EIF2D: variants seen among roughly 807,000 people sequenced by gnomAD.
The protein encoded by EIF2D is hepatocellular carcinoma-associated antigen 56.
In EIF2D, 56 loss-of-function variants were observed where a neutral mutation model predicts 77.4. The ratio of observed to expected loss-of-function variants is 0.72; its 90% confidence interval spans 0.58 to 0.90. The LOEUF is 0.90. Among genes scored for constraint, EIF2D ranks in the 40% least tolerant of loss-of-function variants. The pLI, the probability that EIF2D is intolerant of heterozygous loss-of-function variation, is 0.00. For synonymous variants in EIF2D, 230 were observed against 271.0 expected (o/e 0.85, Z 1.49); for missense variants, 574 against 706.5 (o/e 0.81, Z 2.13).
In EIF2D at chr1:206,594,075, A is replaced by C. The variant is rs1030845661; in HGVS notation, c.1510-282T>G. The C allele has an allele frequency of 2.9e-5, 7 of 241,142 alleles. No homozygotes were observed. The East Asian group carries it at 6.1e-4, about 21-fold the overall frequency. The allele number at this position is 241,142 out of a possible 1,614,324, so 14.9% of individuals were successfully genotyped here. On this transcript the variant is annotated intron_variant, in intron 13 of 14. Coordinates refer to ENST00000271764, the MANE Select transcript of EIF2D (RefSeq NM_006893.3). ...TTTAAGTTTTATTTGGAGAATTCAA[A>C]ACATAAATGAAAGCAGAATAGTATA...
chr1:206,603,201 C>A lies in EIF2D; in HGVS notation c.534G>T (p.Arg178=). Residue 178 remains arginine, a synonymous_variant, in exon 6 of 15, where the codon CGG becomes CGT. Transcript: ENST00000271764. ...AAGGTGGAGAGGACTTGTTTCCAGACCGCCTGGAAAAATCTCATGTCAGAA... is the reference window on the plus strand; with the variant it reads ...AAGGTGGAGAGGACTTGTTTCCAGAACGCCTGGAAAAATCTCATGTCAGAA... ...VLHTYQDHLW[R]SGNKSSPPSI... 4 of 1,612,398 alleles carry A rather than the reference C, an allele frequency of 2.5e-6. No homozygotes were observed. The highest frequency in any genetic ancestry group is 3.4e-6 in the Non-Finnish European group (4 of 1,178,580).
chr1:206,601,431 A>T (rs1669913603), intron 7 of EIF2D: 1 of 152,098 alleles, frequency 6.6e-6, no homozygotes, highest in South Asian at 2.1e-4. Context: ...TTAGCTGCAC[A>T]TGGTGGCATG....
At chr1:206,582,852 C>A (rs540921884) in intron 2 of EIF2D, among the ~76,000 whole-genome samples, 2 of 152,280 alleles carry the variant, frequency 1.3e-5, no homozygotes, top group South Asian at 4.1e-4. Flanking sequence ...GGAGACAGAC[C>A]ATGGCTTGTA....
intron 4 of EIF2D, among the ~76,000 whole-genome samples, chr1:206,575,747 A>G (rs1386467398): frequency 1.8e-4 from 27 of 152,216 alleles, no homozygotes; most frequent in African/African-American, 6.3e-4. Context: ...GATTTCACAG[A>G]TAAGGAAACT....
At chr1:206,598,224 G>A (rs782121881) in intron 11 of EIF2D, among the ~76,000 whole-genome samples, 5 of 151,828 alleles carry the variant, frequency 3.3e-5, no homozygotes, top group Non-Finnish European at 4.4e-5. Flanking sequence ...TTTTTGTAGC[G>A]ACAGGGTTTC....
chr1:206,598,283 C>G (rs1486750893), intron 11 of EIF2D, among the ~76,000 whole-genome samples: 1 of 152,124 alleles, frequency 6.6e-6, no homozygotes, highest in Admixed American at 6.5e-5. Flanking sequence ...AGCAATCCTC[C>G]CACCTCAACC....
chr1:206,598,073 T>G (rs1558533822), intron 11 of EIF2D, among the ~76,000 whole-genome samples: 1 of 152,172 alleles, frequency 6.6e-6, no homozygotes, highest in Non-Finnish European at 1.5e-5. Context: ...GGTTTCACTG[T>G]ATCACCCAGG....
At chr1:206,596,264 GA>G (rs145755793) in intron 12 of EIF2D, among the ~76,000 whole-genome samples, 2,674 of 152,306 alleles carry the variant, frequency 0.018, 48 homozygotes, top group South Asian at 0.074. Context: ...TTACCACGAG[GA>G]GTTTCTACCT....
In EIF2D at chr1:206,611,295, C is replaced by G. The variant is rs782629753; in HGVS notation, c.136G>C (p.Glu46Gln). 1 of 1,614,246 alleles carries G rather than the reference C, an allele frequency of 6.2e-7. No homozygotes were observed. The highest frequency in any genetic ancestry group is 2.2e-5 in the East Asian group (1 of 44,890). ...TACAACTTCACAATGTTGAGCTCCT[C>G]CTTTCCAGGTACTAACTCAGAGACT... ...DQVSELVPGK[E>Q]ELNIVKLYAH... The change falls in exon 2 of 15, where the codon GAG becomes CAG. Residue 46 changes from glutamate to glutamine, a missense_variant. Transcript: ENST00000271764.
At chr1:206,611,046 C>T in intron 2 of EIF2D, 138 bp downstream of exon 2, 2 of 762,720 alleles carry the variant, frequency 2.6e-6, no homozygotes, top group Admixed American at 3.0e-5. Context: ...AACACCAGGT[C>T]CATAAAGATC....
In EIF2D at chr1:206,611,349, T is replaced by C. The variant is rs782156784; in HGVS notation, c.82A>G (p.Thr28Ala). 4 of 1,613,916 alleles carry C rather than the reference T, an allele frequency of 2.5e-6. No homozygotes were observed. Among genetic ancestry groups the C allele is most frequent in the African/African-American group, 2.7e-5 (2 of 74,928 alleles). Reference sequence around the variant, plus strand: ...TCAGTTCCAAGGGTGGGGAAAGCAGTTGTCACATCAGCTCGAAGCTTTCTC... The same window carrying C: ...TCAGTTCCAAGGGTGGGGAAAGCAGCTGTCACATCAGCTCGAAGCTTTCTC... ...DRRKLRADVT[T>A]AFPTLGTDQV... is the part of the protein sequence containing the mutation. The change falls in exon 2 of 15, where the codon ACT becomes GCT. Residue 28 changes from threonine (T) to alanine (A), a missense_variant. Physicochemically the swap from Thr to Ala is moderately conservative, Grantham distance 58. Transcript: ENST00000271764.
downstream of EIF2D, among the ~76,000 whole-genome samples, chr1:206,591,263 G>C (rs1553408902): frequency 6.6e-6 from 1 of 152,154 alleles, no homozygotes; most frequent in African/African-American, 2.4e-5. Flanking sequence ...CCTGTATACT[G>C]TTTCTGATTT....
downstream of EIF2D, among the ~76,000 whole-genome samples, chr1:206,591,466 C>T (rs1480663514): frequency 2.6e-5 from 4 of 152,066 alleles, no homozygotes; most frequent in African/African-American, 9.7e-5. Flanking sequence ...AGGAAGGCCC[C>T]ACCTGTCCGA....
At chr1:206,598,191 C>T (rs1236691866) in intron 11 of EIF2D, among the ~76,000 whole-genome samples, 1 of 151,974 alleles carries the variant, frequency 6.6e-6, no homozygotes, top group Non-Finnish European at 1.5e-5. Flanking sequence ...GCATGCCCTA[C>T]CATGCCCGGC....
chr1:206,603,695 T>A (rs569656811), intron 5 of EIF2D, among the ~76,000 whole-genome samples: 2 of 152,366 alleles, frequency 1.3e-5, no homozygotes, highest in East Asian at 3.9e-4. Context: ...CAGTGGCTTC[T>A]GTGTTACATC....
At chr1:206,611,730 A>C (rs112500970) in intron 1 of EIF2D, among the ~76,000 whole-genome samples, 3 of 152,322 alleles carry the variant, frequency 2.0e-5, no homozygotes, top group African/African-American at 7.2e-5. Context: ...CCAGTTTATG[A>C]TTAAATAACT....
rs571682762 is a variant in EIF2D at position 206,602,852 on chromosome 1, G to T, written c.784+99C>A. The T allele has an allele frequency of 2.9e-5, 43 of 1,500,114 alleles. 1 individual carries two copies. The South Asian group carries it at 5.7e-4, about 20-fold the overall frequency. 92.9% of individuals were successfully genotyped at this position (1,500,114 alleles called of 1,614,324 possible). On this transcript the variant is annotated intron_variant, in intron 6 of 14. Transcript: ENST00000271764. ...AATAAGGACCTTCCCCTCCTCCCCCGGAAGCTTAAGGGCCATTCTAGTCAG... is the reference window on the plus strand; with the variant it reads ...AATAAGGACCTTCCCCTCCTCCCCCTGAAGCTTAAGGGCCATTCTAGTCAG...
chr1:206,571,231 G>C (rs1553404152), downstream of EIF2D: 1 of 150,926 alleles, frequency 6.6e-6, no homozygotes, highest in African/African-American at 2.4e-5. Flanking sequence ...ATCATATATA[G>C]ATCTTCTTTA....
chr1:206,610,338 G>A (rs1670409456), intron 2 of EIF2D, among the ~76,000 whole-genome samples: 1 of 152,116 alleles, frequency 6.6e-6, no homozygotes, highest in South Asian at 2.1e-4. Context: ...GAGCAACATA[G>A]TGAGACCTTG....
Sources: gnomAD v4.1 joint callset for allele counts (sites outside exome capture counted in the v4.1 genomes callset) on GRCh38, gnomAD v4.1.1 for gene constraint, MANE v1.5 for transcripts, NCBI Gene and HGNC (gene_info 2026-07-23, HGNC 2026-07-21) for gene names.